Variants in TFB1M observed in about 807,000 individuals in gnomAD.
The protein encoded by TFB1M is transcription factor B1, mitochondrial.
A neutral mutation model predicts 31.1 loss-of-function variants in TFB1M; 27 were observed. That is an observed-to-expected ratio of 0.87 (90% CI 0.64 to 1.20). The LOEUF (loss-of-function observed/expected upper bound fraction) is 1.20. TFB1M is among the 50% of genes most tolerant of loss of function. The pLI is 0.00. For missense variants in TFB1M, 394 were observed against 418.7 expected, an observed-to-expected ratio of 0.94 and a Z score of 0.51; for synonymous variants, 166 against 151.8, an observed-to-expected ratio of 1.09 and a Z score of -0.69.
At position 155,305,277 on chromosome 6, in the gene TFB1M, T is replaced by TTTATATATATAAAC. The variant is rs1777643131; in HGVS notation, c.285+5910_285+5911insGTTTATATATATAA. ...ATATATTAAATTATATATTTATATA[T>TTTATATATATAAAC]ATATATTAAATTATATATTTATATA... On this transcript the variant is annotated intron_variant, in intron 2 of 6. Coordinates refer to ENST00000367166, the MANE Select transcript of TFB1M (RefSeq NM_016020.4). Among the ~76,000 whole-genome samples the TTTATATATATAAAC allele has an allele frequency of 5.2e-5, 2 of 38,754 alleles. 1 individual carries two copies. Among genetic ancestry groups the TTTATATATATAAAC allele is most frequent in the African/African-American group, 2.2e-4 (2 of 9,140 alleles). 25.4% of individuals were successfully genotyped at this position (38,754 alleles called of 152,430 possible). A position where few individuals can be genotyped will look rare whatever the true frequency, so the allele number is the denominator to read the frequency against.
chr6:155,258,148 T>C lies in TFB1M; in HGVS notation c.795-66A>G, dbSNP rs1256936983. On this transcript the variant is annotated intron_variant, in intron 6 of 6. Coordinates refer to ENST00000367166, the MANE Select transcript of TFB1M (RefSeq NM_016020.4). ...TTAAATTCTGCAAATCATGACACTT[T>C]TTAACCCTCATTTGAAAACAACACA... The C allele has an allele frequency of 3.4e-5, 54 of 1,581,586 alleles. 1 individual carries two copies. In the East Asian group the frequency reaches 7.4e-4, roughly 22 times the overall value.
At chr6:155,245,124 C>T in the TFB1M span, among the ~76,000 whole-genome samples, 1 of 152,160 alleles carries the variant, frequency 6.6e-6, no homozygotes. Flanking sequence ...TCCTTCTTCC[C>T]CGTGGTCATG....
intron 5 of TFB1M, among the ~76,000 whole-genome samples, chr6:155,268,392 G>C (rs1784758939): frequency 6.6e-6 from 1 of 152,224 alleles, no homozygotes; most frequent in South Asian, 2.1e-4. Context: ...GATTAGGGTA[G>C]AGGTCTCTCT....
At position 155,294,038 on chromosome 6, in the gene TFB1M, T is replaced by A. The variant is rs541782841; in HGVS notation, c.546+2915A>T. Among the ~76,000 whole-genome samples, 4 of 152,282 alleles carry A rather than the reference T, an allele frequency of 2.6e-5. No homozygotes were observed. The East Asian group carries it at 7.7e-4, about 29-fold the overall frequency. On this transcript the variant is annotated intron_variant, in intron 4 of 6. Coordinates refer to ENST00000367166, the MANE Select transcript of TFB1M (RefSeq NM_016020.4). ...GTCATTTTTTTCTTGATGTTTCTAA[T>A]CAGACCAATGCTTATATGATGTATC... is the stretch of plus-strand genomic sequence containing the variant.
At chr6:155,254,060 G>C, downstream of TFB1M, 6 of 1,613,582 alleles carry the variant, frequency 3.7e-6, no homozygotes, top group Non-Finnish European at 5.1e-6. Context: ...TTGTGTTGCA[G>C]GTATGACTGA....
intron 5 of TFB1M, chr6:155,275,948 G>C: frequency 6.2e-7 from 1 of 1,614,134 alleles, no homozygotes; most frequent in Non-Finnish European, 8.5e-7. Flanking sequence ...CCCCATCCAC[G>C]TGCAGGCTGC....
intron 5 of TFB1M, among the ~76,000 whole-genome samples, chr6:155,263,521 G>A (rs1331642653): frequency 1.3e-5 from 2 of 152,096 alleles, no homozygotes; most frequent in Non-Finnish European, 2.9e-5. Flanking sequence ...TAGCAGCCTT[G>A]GCCATAACAG....
At chr6:155,238,002 A>G in the TFB1M span, among the ~76,000 whole-genome samples, 8 of 152,194 alleles carry the variant, frequency 5.3e-5, no homozygotes, top group Non-Finnish European at 8.8e-5. Flanking sequence ...TTTCTTTGCT[A>G]TTGCATTGTC....
chr6:155,308,624 A>G (rs1777888300), intron 2 of TFB1M, among the ~76,000 whole-genome samples: 1 of 152,144 alleles, frequency 6.6e-6, no homozygotes, highest in Non-Finnish European at 1.5e-5. Context: ...TACTAAACAT[A>G]CTAGACATGT....
rs774385553 is a variant in TFB1M, at chr6:155,285,176, A to G, written c.648T>C (p.Ala216=). 1.7e-5 allele frequency: 28 copies of G among 1,613,890 alleles called. No homozygotes were observed. The highest frequency in any genetic ancestry group is 2.3e-5 in the Non-Finnish European group (27 of 1,179,898). Residue 216 remains alanine (A), a synonymous_variant, in exon 5 of 7, where the codon GCT becomes GCC. Coordinates refer to ENST00000367166, the MANE Select transcript of TFB1M (RefSeq NM_016020.4). ...VRHIFTIPGQ[A]FVPKPEVDVG... is the part of the protein sequence containing the mutation. ...AACTTACCTCTGGTTTGGGGACAAA[A>G]GCTTGTCCTGGAATCGTAAAGATGT... is the stretch of plus-strand genomic sequence containing the variant.
chr6:155,234,534 C>G, the TFB1M span, among the ~76,000 whole-genome samples: 1 of 152,204 alleles, frequency 6.6e-6, no homozygotes, highest in Non-Finnish European at 1.5e-5. Flanking sequence ...TTCTGAGTAG[C>G]TGGGACCATA....
At chr6:155,287,216 A>G (rs1776698733) in intron 4 of TFB1M, among the ~76,000 whole-genome samples, 1 of 152,188 alleles carries the variant, frequency 6.6e-6, no homozygotes, top group South Asian at 2.1e-4. Context: ...AAGCATTTGT[A>G]GCATAATTTG....
rs74849543 is a variant in TFB1M at position 155,258,154 on chromosome 6, C to T, written c.795-72G>A. 2.8e-4 allele frequency: 441 copies of T among 1,569,796 alleles called. 3 individuals carry two copies. In the African/African-American group the frequency reaches 4.8e-3, roughly 17 times the overall value. On this transcript the variant is annotated intron_variant, in intron 6 of 6. Coordinates refer to ENST00000367166, the MANE Select transcript of TFB1M (RefSeq NM_016020.4). Reference sequence around the variant, plus strand: ...TCTGCAAATCATGACACTTTTTAACCCTCATTTGAAAACAACACAACACAG... The same window carrying T: ...TCTGCAAATCATGACACTTTTTAACTCTCATTTGAAAACAACACAACACAG...
chr6:155,254,012 A>G, downstream of TFB1M: 1 of 1,614,190 alleles, frequency 6.2e-7, no homozygotes, highest in Non-Finnish European at 8.5e-7. Flanking sequence ...ATCCATACGA[A>G]GTCAGAAATA....
rs185513194 is a variant in TFB1M at position 155,279,828 on chromosome 6, G to A, written c.666+5330C>T. Among the ~76,000 whole-genome samples, 784 of 152,216 alleles carry A rather than the reference G, an allele frequency of 5.2e-3. 5 individuals carry two copies. Among genetic ancestry groups the A allele is most frequent in the Non-Finnish European group, 7.5e-3 (507 of 68,000 alleles). Reference sequence around the variant, plus strand: ...ATTTATTCTTGAGCAGTTTATGGAAGCATGCCTAGTACTGAATTAAAATTG... The same window carrying A: ...ATTTATTCTTGAGCAGTTTATGGAAACATGCCTAGTACTGAATTAAAATTG... On this transcript the variant is annotated intron_variant, in intron 5 of 6. Transcript: ENST00000367166.
Position 155,256,897 on chromosome 6 carries a change from G to T in TFB1M, c.*939C>A. On this transcript the variant is annotated 3_prime_UTR_variant, in exon 7 of 7. Transcript: ENST00000367166. ...GAAAGGAGGAGAGCAGCCCAAACTG[G>T]TCCGGGGGCACTTCTGCCCCATTAA... 2.5e-6 allele frequency: 4 copies of T among 1,614,176 alleles called. No individual in the cohort carries two copies. Among genetic ancestry groups the T allele is most frequent in the Non-Finnish European group, 3.4e-6 (4 of 1,180,034 alleles).
chr6:155,286,171 C>T (rs1455315689), intron 4 of TFB1M, among the ~76,000 whole-genome samples: 2 of 152,052 alleles, frequency 1.3e-5, no homozygotes, highest in Non-Finnish European at 2.9e-5. Context: ...GTAAGTGACA[C>T]CGGTGTAATT....
At chr6:155,250,060 C>T in the TFB1M span, 1 of 863,424 alleles carries the variant, frequency 1.2e-6, no homozygotes, top group Non-Finnish European at 1.8e-6. Context: ...TTAGGACTTT[C>T]CTGGAGGAGA....
intron 5 of TFB1M, among the ~76,000 whole-genome samples, chr6:155,262,891 A>G (rs991640427): frequency 2.0e-5 from 3 of 152,252 alleles, no homozygotes; most frequent in Non-Finnish European, 4.4e-5. Flanking sequence ...CAAATATAGT[A>G]GTACCCCATG....
Sources: allele counts gnomAD v4.1 joint callset (sites outside exome capture counted in the v4.1 genomes callset), GRCh38; gene constraint gnomAD v4.1.1; transcripts MANE v1.5; gene names NCBI Gene and HGNC (gene_info 2026-07-23, HGNC 2026-07-21).